Variants in DPP10 observed in about 807,000 individuals in gnomAD.
DPP10 encodes the protein dipeptidyl peptidase like 10.
DPP10 carries 33 observed loss-of-function variants against 120.9 expected under a neutral mutation model. That is an observed-to-expected ratio of 0.27 (90% CI 0.21 to 0.37). The LOEUF is 0.37. Among genes scored for constraint, DPP10 ranks in the 10% least tolerant of loss-of-function variants. The pLI, the probability that DPP10 is intolerant of heterozygous loss-of-function variation, is 1.00. For missense variants in DPP10, 816 were observed against 942.8 expected (o/e 0.87, Z 1.76); for synonymous variants, 337 against 326.1 (o/e 1.03, Z -0.36).
At chr2:114,971,012 AG>A (rs1249990143) in intron 1 of DPP10, among the ~76,000 whole-genome samples, 1 of 152,226 alleles carries the variant, frequency 6.6e-6, no homozygotes, top group African/African-American at 2.4e-5. Flanking sequence ...TAGGTAATCC[AG>A]GGAGATACAT....
At position 115,706,043 on chromosome 2, in the gene DPP10, C is replaced by T. The variant is rs138733583; in HGVS notation, c.576+16122C>T. 4.2e-3 allele frequency among the ~76,000 whole-genome samples: 645 copies of T among 151,850 alleles called. 5 individuals carry two copies. Among genetic ancestry groups the T allele is most frequent in the African/African-American group, 0.015 (621 of 41,462 alleles). On this transcript the variant is annotated intron_variant, in intron 7 of 25. Transcript: ENST00000410059. The stretch of plus-strand genomic sequence containing the variant: ...ACCTTTAAATTATCTTAACTATCTT[C>T]ACTTATAAATTTGCAATGTATTTAG...
chr2:114,933,776 G>T (rs763677556), intron 1 of DPP10, among the ~76,000 whole-genome samples: 1 of 152,156 alleles, frequency 6.6e-6, no homozygotes, highest in Non-Finnish European at 1.5e-5. Context: ...TGTTTACAAA[G>T]GTTGTCGGGC....
chr2:115,067,364 G>A lies in DPP10; in HGVS notation c.61-241875G>A, dbSNP rs536472604. Among the ~76,000 whole-genome samples, 154 of 151,664 alleles carry A rather than the reference G, an allele frequency of 1.0e-3. 2 individuals carry two copies. The highest frequency in any genetic ancestry group is 3.6e-3 in the African/African-American group (148 of 41,460). On this transcript the variant is annotated intron_variant, in intron 1 of 25. Transcript: ENST00000410059. ...CCTCCCGGGTTCCCGCCATTCTCCT[G>A]CCTCAGCCTCCCGAGTAGCTGGGAC...
chr2:114,857,619 G>A (rs1689474005), intron 1 of DPP10, among the ~76,000 whole-genome samples: 1 of 152,100 alleles, frequency 6.6e-6, no homozygotes, highest in South Asian at 2.1e-4. Flanking sequence ...TTTTGGGAGA[G>A]GATTTTGGAC....
chr2:115,432,352 A>T (rs941169290), intron 3 of DPP10, among the ~76,000 whole-genome samples: 29 of 152,204 alleles, frequency 1.9e-4, no homozygotes, highest in African/African-American at 6.7e-4. Context: ...AAAAGTAAAG[A>T]TTTCAAATGT....
At chr2:115,828,061 G>A (rs999425293) in intron 21 of DPP10, among the ~76,000 whole-genome samples, 10 of 151,682 alleles carry the variant, frequency 6.6e-5, no homozygotes, top group African/African-American at 2.4e-4. Context: ...AAATTACCTT[G>A]TACTCCAGGT....
intron 1 of DPP10, among the ~76,000 whole-genome samples, chr2:114,705,238 T>C (rs1236230096): frequency 1.3e-5 from 2 of 152,120 alleles, no homozygotes; most frequent in African/African-American, 4.8e-5. Context: ...TGGAGAAAAT[T>C]CTTATCCTAA....
chr2:115,740,031 C>T (rs1006897183), intron 9 of DPP10, 138 bp downstream of exon 9: 14 of 901,972 alleles, frequency 1.6e-5, no homozygotes, highest in Admixed American at 4.5e-5. Context: ...TCATCACTTT[C>T]GATCTCCCAG....
chr2:115,090,316 G>A (rs1463580119), intron 1 of DPP10, among the ~76,000 whole-genome samples: 3 of 152,112 alleles, frequency 2.0e-5, no homozygotes, highest in Admixed American at 6.6e-5. Flanking sequence ...TAGTCCCTGG[G>A]TATTCTTCTG....
chr2:114,686,947 TTTA>T (rs1187163443), intron 1 of DPP10, among the ~76,000 whole-genome samples: 1 of 151,950 alleles, frequency 6.6e-6, no homozygotes, highest in Non-Finnish European at 1.5e-5. Context: ...GTGCATTCCT[TTTA>T]ATTATTTGCT....
At chr2:115,080,863 C>A (rs775866474) in intron 1 of DPP10, among the ~76,000 whole-genome samples, 4 of 152,082 alleles carry the variant, frequency 2.6e-5, no homozygotes, top group African/African-American at 9.7e-5. Flanking sequence ...TGAAAAAGTC[C>A]GTTTTTATCA....
chr2:114,979,943 A>C (rs1465748507), intron 1 of DPP10, among the ~76,000 whole-genome samples: 1 of 152,156 alleles, frequency 6.6e-6, no homozygotes, highest in Admixed American at 6.5e-5. Flanking sequence ...AAATTTTGTC[A>C]GTTTCTATAG....
intron 2 of DPP10, among the ~76,000 whole-genome samples, chr2:115,310,851 A>G (rs919632823): frequency 6.6e-6 from 1 of 152,218 alleles, no homozygotes; most frequent in Admixed American, 6.5e-5. Flanking sequence ...GGAGGTATTC[A>G]TGTCATAATC....
intron 1 of DPP10, among the ~76,000 whole-genome samples, chr2:114,628,104 T>C (rs1387242785): frequency 1.3e-5 from 2 of 152,018 alleles, no homozygotes; most frequent in African/African-American, 2.4e-5. Flanking sequence ...GTTCAAAGAG[T>C]CATTTTGGGG....
chr2:115,746,774 A>C (rs1332273499), intron 10 of DPP10, among the ~76,000 whole-genome samples: 3 of 152,200 alleles, frequency 2.0e-5, no homozygotes, highest in African/African-American at 7.2e-5. Flanking sequence ...AATCATGTGT[A>C]TTTTGAAATC....
chr2:115,192,061 G>A (rs2054922388), intron 1 of DPP10, among the ~76,000 whole-genome samples: 1 of 152,128 alleles, frequency 6.6e-6, no homozygotes, highest in Admixed American at 6.5e-5. Context: ...GATGAAGGTG[G>A]GTGCCAGGGA....
chr2:114,961,513 A>G (rs961950423), intron 1 of DPP10, among the ~76,000 whole-genome samples: 1 of 151,928 alleles, frequency 6.6e-6, no homozygotes, highest in Non-Finnish European at 1.5e-5. Context: ...AATTGTATGG[A>G]AATAATTAAA....
At chr2:114,610,501 G>A (rs1362321217) in intron 1 of DPP10, among the ~76,000 whole-genome samples, 1 of 152,122 alleles carries the variant, frequency 6.6e-6, no homozygotes, top group East Asian at 1.9e-4. Flanking sequence ...AGGGCTGGGG[G>A]AAAAGACAGT....
At chr2:114,594,931 C>T (rs535995365) in intron 1 of DPP10, among the ~76,000 whole-genome samples, 1 of 152,134 alleles carries the variant, frequency 6.6e-6, no homozygotes, top group South Asian at 2.1e-4. Flanking sequence ...GACTGTCTCT[C>T]TCTGTCTCCC....
Sources: allele counts gnomAD v4.1 joint callset (sites outside exome capture counted in the v4.1 genomes callset), GRCh38; gene constraint gnomAD v4.1.1; transcripts MANE v1.5; gene names NCBI Gene and HGNC (gene_info 2026-07-23, HGNC 2026-07-21).